The following PRICKLE1 variants were observed in gnomAD, a reference collection of about 807,000 sequenced individuals.
PRICKLE1 encodes prickle-like protein 1.
In PRICKLE1, 14 loss-of-function variants were observed where a neutral mutation model predicts 70.2. That is an observed-to-expected ratio of 0.20 (90% CI 0.13 to 0.31). PRICKLE1 has a LOEUF of 0.31. PRICKLE1 is among the 10% of genes least tolerant of loss of function. The pLI is 1.00. For missense variants in PRICKLE1, 821 were observed against 1,026.2 expected (o/e 0.80, Z 2.73); for synonymous variants, 357 against 379.9 (o/e 0.94, Z 0.70).
At chr12:42,572,631 T>C (rs529017377) in intron 1 of PRICKLE1, among the ~76,000 whole-genome samples, 1 of 152,086 alleles carries the variant, frequency 6.6e-6, no homozygotes, top group Admixed American at 6.5e-5. Context: ...GTGACCAGCC[T>C]GGGCAATAAA....
rs554195395 is a variant in PRICKLE1, at chr12:42,471,940, G to C, written c.132+445C>G. Among the ~76,000 whole-genome samples the C allele has an allele frequency of 3.6e-4, 55 of 152,300 alleles. 1 individual carries two copies. The highest frequency in any genetic ancestry group is 1.3e-3 in the African/African-American group (55 of 41,570). ...CAAACGTCTAAGCAGTAACACTTCA[G>C]AGGGTTTCTGATAGCTCACTATCTC... On this transcript the variant is annotated intron_variant, in intron 2 of 7. Transcript: ENST00000345127.
In PRICKLE1 at chr12:42,460,189, G is replaced by C. The variant is rs377228096; in HGVS notation, c.2116C>G (p.Pro706Ala). 6.2e-7 allele frequency: 1 copy of C among 1,613,990 alleles called. No individual in the cohort carries two copies. The highest frequency in any genetic ancestry group is 8.5e-7 in the Non-Finnish European group (1 of 1,180,034). Residue 706 changes from proline (P) to alanine (A), a missense_variant, in exon 8 of 8, where the codon CCC becomes GCC. Coordinates refer to ENST00000345127, the MANE Select transcript of PRICKLE1 (RefSeq NM_153026.3). Reference sequence around the variant, plus strand: ...TGTATAAATTTCTCATAGTTATCGGGGGTGTACAGCCGCAGTCTGTCCTTG... The same window carrying C: ...TGTATAAATTTCTCATAGTTATCGGCGGTGTACAGCCGCAGTCTGTCCTTG... ...SPKDRLRLYT[P>A]DNYEKFIQNK...
intron 2 of PRICKLE1, among the ~76,000 whole-genome samples, chr12:42,471,695 T>G (rs1489193172): frequency 1.3e-5 from 2 of 152,186 alleles, no homozygotes; most frequent in Non-Finnish European, 2.9e-5. Context: ...ACTGTCAACT[T>G]TATTTTCAAA....
intron 1 of PRICKLE1, among the ~76,000 whole-genome samples, chr12:42,501,210 AAGAAG>A (rs765705436): frequency 1.6e-5 from 1 of 63,604 alleles, no homozygotes; most frequent in Non-Finnish European, 4.7e-5. Context: ...CAAAACATAA[AAGAAG>A]AGAGCAAGGC....
At chr12:42,521,285 G>A (rs1939704592) in intron 1 of PRICKLE1, among the ~76,000 whole-genome samples, 1 of 152,024 alleles carries the variant, frequency 6.6e-6, no homozygotes, top group Non-Finnish European at 1.5e-5. Context: ...AAGAATAGTG[G>A]CAAAAACTTT....
intron 1 of PRICKLE1, among the ~76,000 whole-genome samples, chr12:42,555,260 C>T (rs1188092228): frequency 1.3e-5 from 2 of 152,124 alleles, no homozygotes; most frequent in African/African-American, 2.4e-5. Flanking sequence ...GTCGAGATCA[C>T]GCCATTGCAC....
intron 1 of PRICKLE1, among the ~76,000 whole-genome samples, chr12:42,547,877 G>T (rs1355221070): frequency 1.3e-5 from 2 of 151,954 alleles, no homozygotes; most frequent in African/African-American, 4.8e-5. Context: ...TTGATTTTTT[G>T]AATTTTAGGA....
At chr12:42,485,517 A>G (rs1938971110) in intron 1 of PRICKLE1, 1 of 152,226 alleles carries the variant, frequency 6.6e-6, no homozygotes, top group Non-Finnish European at 1.5e-5. Context: ...AAAATTAACC[A>G]TGAATACCTA....
chr12:42,583,267 T>G (rs1450357078), intron 1 of PRICKLE1, among the ~76,000 whole-genome samples: 6 of 152,104 alleles, frequency 3.9e-5, no homozygotes, highest in Non-Finnish European at 5.9e-5. Context: ...CCATAGTTAC[T>G]GTGGGTTTTG....
At chr12:42,531,923 C>T (rs917326181) in intron 1 of PRICKLE1, among the ~76,000 whole-genome samples, 3 of 151,996 alleles carry the variant, frequency 2.0e-5, no homozygotes, top group South Asian at 2.1e-4. Context: ...TTTAGGAGGC[C>T]GAAGTGGGAA....
chr12:42,526,828 T>C (rs1939809413), intron 1 of PRICKLE1, among the ~76,000 whole-genome samples: 1 of 150,818 alleles, frequency 6.6e-6, no homozygotes, highest in Non-Finnish European at 1.5e-5. Flanking sequence ...AAATGTAAAA[T>C]AATGATGACG....
chr12:42,509,664 C>T (rs567962380), intron 1 of PRICKLE1, among the ~76,000 whole-genome samples: 2 of 152,032 alleles, frequency 1.3e-5, no homozygotes, highest in Non-Finnish European at 2.9e-5. Flanking sequence ...AGCAAGACCT[C>T]GTCCTTAATA....
intron 1 of PRICKLE1, among the ~76,000 whole-genome samples, chr12:42,554,332 T>C (rs1940377599): frequency 6.6e-6 from 1 of 151,998 alleles, no homozygotes; most frequent in African/African-American, 2.4e-5. Flanking sequence ...AAATAGAAAA[T>C]ACAAATGACT....
At chr12:42,543,240 G>A (rs1428145268) in intron 1 of PRICKLE1, among the ~76,000 whole-genome samples, 1 of 152,166 alleles carries the variant, frequency 6.6e-6, no homozygotes, top group African/African-American at 2.4e-5. Context: ...TGTAAGGCTT[G>A]CTAAGATTCA....
At chr12:42,513,091 G>A (rs891534729) in intron 1 of PRICKLE1, among the ~76,000 whole-genome samples, 17 of 151,964 alleles carry the variant, frequency 1.1e-4, no homozygotes. Flanking sequence ...TCAACCTCCC[G>A]AGTAACATTA....
intron 1 of PRICKLE1, among the ~76,000 whole-genome samples, chr12:42,542,947 T>G (rs1940142743): frequency 6.6e-6 from 1 of 152,186 alleles, no homozygotes; most frequent in Non-Finnish European, 1.5e-5. Context: ...TGATAGGTCA[T>G]GAAGGCAGAG....
Position 42,589,336 on chromosome 12 carries a change from C to G in PRICKLE1, c.-49+129G>C, listed in dbSNP as rs2141929. On this transcript the variant is annotated intron_variant, in intron 1 of 7. Transcript: ENST00000345127. This position sits in a 1 kb window ranked among gnomAD's most constrained non-coding sequence, Gnocchi z 5.0. The stretch of plus-strand genomic sequence containing the variant: ...CTCCCTGATCTTCTGCGACACCGAC[C>G]CAGTCTGGGTGTCACAGACTCCGGC... 49,758 of 152,166 alleles carry G rather than the reference C, an allele frequency of 0.33. 8,783 individuals carry two copies. Among genetic ancestry groups the G allele is most frequent in the East Asian group, 0.57 (2,889 of 5,106 alleles). The allele number at this position is 152,166 out of a possible 1,614,324, so 9.4% of individuals were successfully genotyped here.
In PRICKLE1 at chr12:42,460,141, G is replaced by C; in HGVS notation, c.2164C>G (p.Gln722Glu). The change falls in exon 8 of 8, where the codon CAA becomes GAA. Residue 722 changes from glutamine to glutamate, a missense_variant. Physicochemically the swap from Gln to Glu is conservative, Grantham distance 29 (BLOSUM62 2). Coordinates refer to ENST00000345127, the MANE Select transcript of PRICKLE1 (RefSeq NM_153026.3). ...AGATCAGCATTCTGGATGTATGCTT[G>C]GATCTCCCGGGCACTTTTATTCTGT... is the stretch of plus-strand genomic sequence containing the variant. ...FIQNKSAREI[Q>E]AYIQNADLYG... The C allele has an allele frequency of 1.2e-6, 2 of 1,614,068 alleles. No homozygotes were observed. Among genetic ancestry groups the C allele is most frequent in the South Asian group, 2.2e-5 (2 of 91,068 alleles).
rs1338102977 is a variant in PRICKLE1 at position 42,459,217 on chromosome 12, A to G, written c.*592T>C. ...CACCGTTAAATTAGGAATACACTTA[A>G]GTCTATGAAATACTAAGTTATAAAT... On this transcript the variant is annotated 3_prime_UTR_variant, in exon 8 of 8. Coordinates refer to ENST00000345127, the MANE Select transcript of PRICKLE1 (RefSeq NM_153026.3). 2 of 696,252 alleles carry G rather than the reference A, an allele frequency of 2.9e-6. No individual in the cohort carries two copies. Among genetic ancestry groups the G allele is most frequent in the African/African-American group, 3.5e-5 (2 of 56,590 alleles). The allele number at this position is 696,252 out of a possible 1,614,324, so 43.1% of individuals were successfully genotyped here.
Sources: gnomAD v4.1 joint callset for allele counts (sites outside exome capture counted in the v4.1 genomes callset) on GRCh38, gnomAD v4.1.1 for gene constraint, Gnocchi (gnomAD v3.1) non-coding constraint, MANE v1.5 for transcripts, NCBI Gene and HGNC (gene_info 2026-07-23, HGNC 2026-07-21) for gene names.